The following TRPM3 variants were observed in gnomAD, a reference collection of about 807,000 sequenced individuals.
TRPM3 encodes long transient receptor potential channel 3.
In TRPM3, 77 loss-of-function variants were observed where a neutral mutation model predicts 181.2. The observed-to-expected ratio is 0.42, with a 90% CI of 0.35 to 0.51. The LOEUF (loss-of-function observed/expected upper bound fraction) is 0.51. Ranked by LOEUF, TRPM3 falls within the 20% of genes least tolerant of loss-of-function variation. TRPM3 has a pLI of 0.01. For missense variants in TRPM3, 1,759 were observed against 2,196.7 expected (o/e 0.80, Z 3.98); for synonymous variants, 745 against 796.4 (o/e 0.94, Z 1.09).
intron 17 of TRPM3, 131 bp downstream of exon 17, chr9:70,618,735 AG>A (rs2063164991): frequency 2.6e-6 from 2 of 770,128 alleles, no homozygotes; most frequent in South Asian, 3.1e-5. Flanking sequence ...CAGGATTCTG[AG>A]GCACAGTCAG....
chr9:70,812,399 C>T (rs933971431), intron 6 of TRPM3, among the ~76,000 whole-genome samples: 1 of 152,200 alleles, frequency 6.6e-6, no homozygotes, highest in Non-Finnish European at 1.5e-5. Context: ...TAAGAATGTA[C>T]TCACTGGGGA....
At chr9:70,737,823 A>G (rs1436836055) in intron 8 of TRPM3, among the ~76,000 whole-genome samples, 1 of 152,198 alleles carries the variant, frequency 6.6e-6, no homozygotes, top group Admixed American at 6.5e-5. Context: ...GGAAAATATC[A>G]CAATTCTAAA....
At chr9:70,666,010 C>T (rs2061792581) in intron 9 of TRPM3, among the ~76,000 whole-genome samples, 1 of 152,146 alleles carries the variant, frequency 6.6e-6, no homozygotes, top group African/African-American at 2.4e-5. Flanking sequence ...GCCTCAATGC[C>T]CCATTCCTCT....
At chr9:70,651,326 T>C (rs1564709802) in intron 9 of TRPM3, among the ~76,000 whole-genome samples, 2 of 152,248 alleles carry the variant, frequency 1.3e-5, no homozygotes, top group Non-Finnish European at 2.9e-5. Context: ...CAGTCTATGC[T>C]AATCCCTTTT....
intron 1 of TRPM3, among the ~76,000 whole-genome samples, chr9:71,313,770 T>C (rs1036759271): frequency 6.6e-6 from 1 of 152,164 alleles, no homozygotes; most frequent in Admixed American, 6.6e-5. Flanking sequence ...TATTTCCTCA[T>C]TGGTCACTTG....
In TRPM3 at chr9:71,373,737, A is replaced by C. The variant is rs191908020; in HGVS notation, c.183+72916T>G. Among the ~76,000 whole-genome samples, 462 of 152,322 alleles carry C rather than the reference A, an allele frequency of 3.0e-3. 1 individual carries two copies. The highest frequency in any genetic ancestry group is 0.011 in the African/African-American group (442 of 41,580). On this transcript the variant is annotated intron_variant, in intron 1 of 24. Transcript: ENST00000357533. ...GTACCATTTCTACTGAAATTAGAAA[A>C]AAAAATGGAAAAGGAGGGACTCTTC...
intron 6 of TRPM3, among the ~76,000 whole-genome samples, chr9:70,813,766 C>T (rs1363554828): frequency 2.6e-5 from 4 of 152,206 alleles, no homozygotes; most frequent in African/African-American, 2.4e-5. Flanking sequence ...ACTTCTTGAG[C>T]GTGCTATTTA....
chr9:70,947,964 T>C (rs562517124), intron 1 of TRPM3, among the ~76,000 whole-genome samples: 2 of 152,308 alleles, frequency 1.3e-5, no homozygotes, highest in Non-Finnish European at 2.9e-5. Context: ...ATGTATCACT[T>C]GTAAAACATT....
At chr9:71,038,255 A>G (rs1386939252) in intron 1 of TRPM3, among the ~76,000 whole-genome samples, 1 of 152,220 alleles carries the variant, frequency 6.6e-6, no homozygotes, top group African/African-American at 2.4e-5. Context: ...TAGAATTTGA[A>G]GAGATCTGAG....
intron 1 of TRPM3, among the ~76,000 whole-genome samples, chr9:71,117,891 C>T (rs1035583215): frequency 9.2e-5 from 14 of 152,128 alleles, no homozygotes; most frequent in African/African-American, 2.9e-4. Context: ...TCAGTAAGTT[C>T]GCCAAGACTT....
intron 1 of TRPM3, among the ~76,000 whole-genome samples, chr9:71,055,216 A>G (rs1245043218): frequency 6.6e-6 from 1 of 152,098 alleles, no homozygotes; most frequent in African/African-American, 2.4e-5. Context: ...GGCAAGTGAG[A>G]TGGATCAAAG....
chr9:71,083,594 T>C (rs1591284941), intron 1 of TRPM3, among the ~76,000 whole-genome samples: 2 of 152,142 alleles, frequency 1.3e-5, no homozygotes, highest in East Asian at 3.9e-4. Flanking sequence ...TATTCCTTAT[T>C]TTTAATGACT....
At chr9:70,573,187 G>T (rs2052922555) in intron 22 of TRPM3, among the ~76,000 whole-genome samples, 2 of 152,216 alleles carry the variant, frequency 1.3e-5, no homozygotes, top group Non-Finnish European at 2.9e-5. Context: ...GAACTTCCAT[G>T]AATAAGACAG....
At chr9:71,377,354 A>G (rs1421541534) in intron 1 of TRPM3, among the ~76,000 whole-genome samples, 1 of 152,118 alleles carries the variant, frequency 6.6e-6, no homozygotes, top group East Asian at 1.9e-4. Flanking sequence ...CAGGCATTTT[A>G]CAAGAAGGGA....
intron 1 of TRPM3, among the ~76,000 whole-genome samples, chr9:71,063,833 C>T (rs2061599179): frequency 6.6e-6 from 1 of 151,924 alleles, no homozygotes; most frequent in African/African-American, 2.4e-5. Context: ...CCTTTTTTTC[C>T]AGGTGACATT....
intron 6 of TRPM3, among the ~76,000 whole-genome samples, chr9:70,794,112 C>A (rs11789669): frequency 0.067 from 10,192 of 151,844 alleles, 479 homozygotes; most frequent in Middle Eastern, 0.14. Context: ...TTAAGTGGGA[C>A]TTTAAGATGA....
Position 71,284,156 on chromosome 9 carries a change from A to G in TRPM3, c.183+162497T>C, listed in dbSNP as rs193135232. On this transcript the variant is annotated intron_variant, in intron 1 of 24. Transcript: ENST00000357533. Reference sequence around the variant, plus strand: ...AAAGGAAATAATATATGGAAAGTACATGCACTAGCATGATACATAGACCAG... The same window carrying G: ...AAAGGAAATAATATATGGAAAGTACGTGCACTAGCATGATACATAGACCAG... Among the ~76,000 whole-genome samples the G allele has an allele frequency of 4.7e-3, 709 of 152,338 alleles. 8 individuals are homozygous for G. The highest frequency in any genetic ancestry group is 0.016 in the African/African-American group (670 of 41,576).
In TRPM3 at chr9:70,982,700, T is replaced by C. The variant is rs2097375155; in HGVS notation, c.178-118189A>G. Among the ~76,000 whole-genome samples the C allele has an allele frequency of 2.0e-5, 3 of 152,132 alleles. No individual in the cohort carries two copies. The South Asian group carries it at 6.2e-4, about 32-fold the overall frequency. The stretch of plus-strand genomic sequence containing the variant: ...GACAAACTTGTTGAAAGTTCTCTCA[T>C]TATTTTGTTGTTTTTGTTGAGATGG... On this transcript the variant is annotated intron_variant, in intron 1 of 25. Transcript: ENST00000677713.
At chr9:71,064,323 T>C (rs988773052) in intron 1 of TRPM3, among the ~76,000 whole-genome samples, 8 of 152,230 alleles carry the variant, frequency 5.3e-5, no homozygotes, top group Admixed American at 4.6e-4. Flanking sequence ...GTAGAAATGC[T>C]TGGAGATAAA....
Sources: allele counts gnomAD v4.1 joint callset (sites outside exome capture counted in the v4.1 genomes callset), GRCh38; gene constraint gnomAD v4.1.1; transcripts MANE v1.5; gene names NCBI Gene and HGNC (gene_info 2026-07-23, HGNC 2026-07-21).